CSMD1: variants seen among roughly 807,000 people sequenced by gnomAD.
CSMD1 encodes the protein CUB and sushi domain-containing protein 1.
CSMD1 carries 213 observed loss-of-function variants against 417.5 expected under a neutral mutation model. That is an observed-to-expected ratio of 0.51 (90% CI 0.46 to 0.57). CSMD1 has a LOEUF of 0.57. Ranked by LOEUF, CSMD1 falls within the 20% of genes least tolerant of loss-of-function variation. The pLI, the probability that CSMD1 is intolerant of heterozygous loss-of-function variation, is 0.00. For missense variants in CSMD1, 6,923 were observed against 4,529.7 expected, an observed-to-expected ratio of 1.53 and a Z score of -15.17; for synonymous variants, 2,862 against 1,736.8, an observed-to-expected ratio of 1.65 and a Z score of -16.11.
At chr8:3,365,357 G>C (rs183547606) in intron 20 of CSMD1, among the ~76,000 whole-genome samples, 106 of 152,286 alleles carry the variant, frequency 7.0e-4, no homozygotes, top group African/African-American at 2.5e-3. Flanking sequence ...AAGTAGTTCA[G>C]AGCATCTTAA....
At chr8:4,481,229 G>C (rs374516926) in intron 2 of CSMD1, among the ~76,000 whole-genome samples, 1 of 152,098 alleles carries the variant, frequency 6.6e-6, no homozygotes, top group African/African-American at 2.4e-5. Context: ...GCAGACCTAA[G>C]AGTCCAAATT....
intron 8 of CSMD1, among the ~76,000 whole-genome samples, chr8:3,612,930 G>C (rs77909919): frequency 0.017 from 2,638 of 152,062 alleles, 36 homozygotes; most frequent in South Asian, 0.051. Context: ...TAAGAGGTCA[G>C]AGCAGAAATC....
intron 21 of CSMD1, among the ~76,000 whole-genome samples, chr8:3,348,941 T>C (rs1808201856): frequency 6.6e-6 from 1 of 152,140 alleles, no homozygotes; most frequent in South Asian, 2.1e-4. Context: ...GCTCCAAAAC[T>C]CTAAGTCCAA....
intron 3 of CSMD1, among the ~76,000 whole-genome samples, chr8:4,369,305 T>C (rs960601941): frequency 1.3e-5 from 2 of 152,184 alleles, no homozygotes; most frequent in Non-Finnish European, 2.9e-5. Context: ...GTTTTATTTG[T>C]GGTTGTTATG....
rs560966413 is a variant in CSMD1, at chr8:4,808,792, C to T, written c.86-171234G>A. Among the ~76,000 whole-genome samples the T allele has an allele frequency of 2.0e-5, 3 of 152,232 alleles. No homozygotes were observed. In the East Asian group the frequency reaches 5.8e-4, roughly 29 times the overall value. On this transcript the variant is annotated intron_variant, in intron 1 of 69. Coordinates refer to ENST00000635120, the MANE Select transcript of CSMD1 (RefSeq NM_033225.6). Reference sequence around the variant, plus strand: ...AACCTTGGTATCATTTTTCATATTCCCCAGGCCAACAGGCATGTAATAAAG... The same window carrying T: ...AACCTTGGTATCATTTTTCATATTCTCCAGGCCAACAGGCATGTAATAAAG...
At chr8:4,207,436 AC>A (rs2131274771) in intron 3 of CSMD1, among the ~76,000 whole-genome samples, 1 of 152,294 alleles carries the variant, frequency 6.6e-6, no homozygotes, top group African/African-American at 2.4e-5. Flanking sequence ...CAACTATTTT[AC>A]AGTCATTTAA....
At chr8:4,685,639 A>G (rs1162876971) in intron 1 of CSMD1, among the ~76,000 whole-genome samples, 1 of 152,232 alleles carries the variant, frequency 6.6e-6, no homozygotes, top group African/African-American at 2.4e-5. Context: ...CACACCATGT[A>G]CTTCACAGAG....
At chr8:3,539,370 T>G (rs1798343576) in intron 10 of CSMD1, among the ~76,000 whole-genome samples, 1 of 152,202 alleles carries the variant, frequency 6.6e-6, no homozygotes, top group South Asian at 2.1e-4. Context: ...ACACCTTTAC[T>G]ATAAGAAGTA....
At position 3,548,145 on chromosome 8, in the gene CSMD1, G is replaced by A. The variant is rs568727895; in HGVS notation, c.1344+26800C>T. 9.2e-5 allele frequency among the ~76,000 whole-genome samples: 14 copies of A among 152,144 alleles called. No homozygotes were observed. The South Asian group carries it at 2.7e-3, about 29-fold the overall frequency. ...ATAATTATTGCTGTATGACTCTATC[G>A]GTACATGTAACAATGTTATGGGGGG... On this transcript the variant is annotated intron_variant, in intron 10 of 69. Transcript: ENST00000635120.
At chr8:3,713,323 T>C (rs76812823) in intron 6 of CSMD1, among the ~76,000 whole-genome samples, 4,198 of 152,324 alleles carry the variant, frequency 0.028, 85 homozygotes, top group Non-Finnish European at 0.047. Flanking sequence ...AAACCATTAC[T>C]ATATTTGAAT....
chr8:4,275,396 A>G (rs1167672358), intron 3 of CSMD1, among the ~76,000 whole-genome samples: 1 of 152,160 alleles, frequency 6.6e-6, no homozygotes, highest in Admixed American at 6.6e-5. Context: ...GTTTTAAAGG[A>G]AAGGACAAAG....
chr8:4,077,381 T>A (rs1290472783), intron 3 of CSMD1, among the ~76,000 whole-genome samples: 1 of 149,796 alleles, frequency 6.7e-6, no homozygotes, highest in African/African-American at 2.5e-5. Context: ...TTTTAATGGT[T>A]CCTCAGTCTT....
chr8:4,421,081 A>C (rs1013820035), intron 2 of CSMD1, among the ~76,000 whole-genome samples: 1 of 152,174 alleles, frequency 6.6e-6, no homozygotes, highest in Admixed American at 6.5e-5. Context: ...ATTGGATGCC[A>C]ATCCAAACAA....
At chr8:3,992,556 G>A (rs772061199) in intron 5 of CSMD1, among the ~76,000 whole-genome samples, 8 of 152,222 alleles carry the variant, frequency 5.3e-5, no homozygotes, top group Non-Finnish European at 1.2e-4. Context: ...GGCTGAGCCA[G>A]CAGAATTCCT....
At chr8:4,734,658 A>C (rs1810112883) in intron 1 of CSMD1, among the ~76,000 whole-genome samples, 1 of 152,198 alleles carries the variant, frequency 6.6e-6, no homozygotes, top group Admixed American at 6.5e-5. Flanking sequence ...TATTTTAACA[A>C]TGATTCTTAG....
intron 26 of CSMD1, among the ~76,000 whole-genome samples, chr8:3,231,100 G>T (rs576799057): frequency 1.3e-5 from 2 of 152,264 alleles, no homozygotes; most frequent in East Asian, 1.9e-4. Flanking sequence ...TTTCACCAGA[G>T]TATCCCCCAT....
intron 3 of CSMD1, among the ~76,000 whole-genome samples, chr8:4,228,401 C>A (rs760101975): frequency 9.2e-5 from 14 of 152,050 alleles, no homozygotes; most frequent in Non-Finnish European, 1.8e-4. Flanking sequence ...TATCTATGCC[C>A]CATATTTTGC....
intron 1 of CSMD1, among the ~76,000 whole-genome samples, chr8:4,846,911 C>A (rs1196429477): frequency 2.0e-5 from 3 of 151,850 alleles, no homozygotes; most frequent in African/African-American, 7.3e-5. Context: ...AAACTAAAAA[C>A]CATGTGCTTC....
chr8:4,469,030 G>T (rs1800361146), intron 2 of CSMD1, among the ~76,000 whole-genome samples: 1 of 152,170 alleles, frequency 6.6e-6, no homozygotes, highest in Non-Finnish European at 1.5e-5. Flanking sequence ...AAAAGACAAT[G>T]CTATACTCTC....
Sources: gnomAD v4.1 joint callset for allele counts (sites outside exome capture counted in the v4.1 genomes callset) on GRCh38, gnomAD v4.1.1 for gene constraint, MANE v1.5 for transcripts, NCBI Gene and HGNC (gene_info 2026-07-23, HGNC 2026-07-21) for gene names.